PLCL1: variants seen among roughly 807,000 people sequenced by gnomAD.
PLCL1 encodes phospholipase C like 1 (inactive).
A neutral mutation model predicts 84.4 loss-of-function variants in PLCL1; 41 were observed. The ratio of observed to expected loss-of-function variants is 0.49; its 90% CI spans 0.38 to 0.63. The LOEUF is 0.63. Among genes scored for constraint, PLCL1 ranks in the 30% least tolerant of loss-of-function variants. PLCL1 has a pLI of 0.00. For missense variants in PLCL1, 1,206 were observed against 1,367.8 expected (o/e 0.88, Z 1.87); for synonymous variants, 490 against 488.3 (o/e 1.00, Z -0.05).
At chr2:198,018,950 G>A (rs1441272720) in intron 1 of PLCL1, among the ~76,000 whole-genome samples, 1 of 152,212 alleles carries the variant, frequency 6.6e-6, no homozygotes, top group Non-Finnish European at 1.5e-5. Context: ...ATATCTCCCA[G>A]CAGGGGTCGA....
intron 1 of PLCL1, among the ~76,000 whole-genome samples, chr2:197,949,584 A>G (rs1180019989): frequency 6.6e-6 from 1 of 152,202 alleles, no homozygotes; most frequent in African/African-American, 2.4e-5. Flanking sequence ...AGCTAGACTC[A>G]GGGTAGCAGA....
chr2:197,911,949 G>C (rs1388339563), intron 1 of PLCL1, among the ~76,000 whole-genome samples: 1 of 152,122 alleles, frequency 6.6e-6, no homozygotes, highest in East Asian at 1.9e-4. Flanking sequence ...AAAATGGAGA[G>C]AGCCGCTACC....
intron 1 of PLCL1, among the ~76,000 whole-genome samples, chr2:197,968,880 G>T (rs547531742): frequency 6.6e-6 from 1 of 152,190 alleles, no homozygotes; most frequent in African/African-American, 2.4e-5. Context: ...GTTCAGAGAT[G>T]GCTGTTTTAT....
chr2:197,981,431 GA>G (rs1690103095), intron 1 of PLCL1, among the ~76,000 whole-genome samples: 1 of 152,082 alleles, frequency 6.6e-6, no homozygotes, highest in African/African-American at 2.4e-5. Context: ...ATTCTTAATG[GA>G]AAAGTTTCTT....
chr2:197,821,391 C>G (rs1369473919), intron 1 of PLCL1, among the ~76,000 whole-genome samples: 1 of 152,152 alleles, frequency 6.6e-6, no homozygotes, highest in Non-Finnish European at 1.5e-5. Context: ...GTCGCTCTGA[C>G]AAAGAGATCC....
intron 5 of PLCL1, among the ~76,000 whole-genome samples, chr2:198,108,498 G>A (rs1370736966): frequency 6.6e-6 from 1 of 151,864 alleles, no homozygotes; most frequent in African/African-American, 2.4e-5. Flanking sequence ...ACAGCATGGA[G>A]TGGTGCAAAG....
In PLCL1 at chr2:198,079,741, T is replaced by A. The variant is rs111915117; in HGVS notation, c.241-4017T>A. 3.4e-3 allele frequency among the ~76,000 whole-genome samples: 518 copies of A among 152,350 alleles called. 2 individuals are homozygous for A. Among genetic ancestry groups the A allele is most frequent in the African/African-American group, 0.011 (457 of 41,582 alleles). ...TAAACCCAATTTTGTTAATTTTTTT[T>A]AATTTAACTTATTTAAATGTGATTC... On this transcript the variant is annotated intron_variant, in intron 1 of 5. Transcript: ENST00000428675.
chr2:198,016,752 G>A (rs1261165548), intron 1 of PLCL1, among the ~76,000 whole-genome samples: 1 of 152,206 alleles, frequency 6.6e-6, no homozygotes, highest in Non-Finnish European at 1.5e-5. Flanking sequence ...ACAAAGCTCA[G>A]TATCAGGTTA....
At chr2:197,897,201 C>CTT (rs869260134) in intron 1 of PLCL1, among the ~76,000 whole-genome samples, 19 of 13,932 alleles carry the variant, frequency 1.4e-3, no homozygotes, top group African/African-American at 5.4e-3. Context: ...CCTTCTCCTT[C>CTT]TTCTTTCTTC....
At chr2:198,111,529 A>G (rs1693621516) in intron 5 of PLCL1, among the ~76,000 whole-genome samples, 1 of 151,958 alleles carries the variant, frequency 6.6e-6, no homozygotes, top group South Asian at 2.1e-4. Flanking sequence ...ATAAAGCAGT[A>G]TCTGGCACAT....
chr2:198,091,741 A>AAAAT (rs1491480703), intron 3 of PLCL1, among the ~76,000 whole-genome samples: 4 of 123,978 alleles, frequency 3.2e-5, no homozygotes, highest in Admixed American at 7.6e-5. Context: ...AAAATAAAAT[A>AAAAT]AAATAAAATA....
At chr2:197,846,339 G>A (rs189526955) in intron 1 of PLCL1, among the ~76,000 whole-genome samples, 33 of 152,152 alleles carry the variant, frequency 2.2e-4, no homozygotes, top group Non-Finnish European at 1.8e-4. Context: ...CATTATAATC[G>A]CAAAGGCAAA....
intron 1 of PLCL1, among the ~76,000 whole-genome samples, chr2:197,814,137 C>T (rs982051701): frequency 6.6e-6 from 1 of 152,142 alleles, no homozygotes; most frequent in African/African-American, 2.4e-5. Flanking sequence ...CACATTATCA[C>T]ACTTTGCTTT....
chr2:197,825,285 A>G (rs920150385), intron 1 of PLCL1, among the ~76,000 whole-genome samples: 6 of 152,192 alleles, frequency 3.9e-5, no homozygotes, highest in African/African-American at 7.2e-5. Flanking sequence ...GCTGTATGAC[A>G]CTGGACCCAG....
intron 1 of PLCL1, among the ~76,000 whole-genome samples, chr2:197,857,867 C>T (rs1004992362): frequency 2.0e-5 from 3 of 151,872 alleles, no homozygotes; most frequent in Admixed American, 6.6e-5. Flanking sequence ...TATAACCTTG[C>T]CCAAGAGGAA....
intron 1 of PLCL1, among the ~76,000 whole-genome samples, chr2:198,048,573 G>A (rs1363525716): frequency 6.6e-6 from 1 of 152,218 alleles, no homozygotes; most frequent in Non-Finnish European, 1.5e-5. Flanking sequence ...GAGAGCAGGT[G>A]CATCACGTGG....
intron 3 of PLCL1, 90 bp downstream of exon 3, chr2:198,089,151 A>C: frequency 2.3e-6 from 2 of 873,030 alleles, no homozygotes; most frequent in African/African-American, 1.6e-5. Context: ...CCAATGAATA[A>C]CACAGGGTGA....
intron 1 of PLCL1, among the ~76,000 whole-genome samples, chr2:197,983,190 C>CTTTTTT (rs1445206643): frequency 3.0e-5 from 2 of 66,070 alleles, no homozygotes; most frequent in African/African-American, 1.1e-4. Flanking sequence ...TTTTCTTTTT[C>CTTTTTT]TTTTCTTTTC....
intron 1 of PLCL1, among the ~76,000 whole-genome samples, chr2:197,905,657 T>G (rs1428493903): frequency 6.6e-6 from 1 of 152,180 alleles, no homozygotes; most frequent in Non-Finnish European, 1.5e-5. Flanking sequence ...TTCTAGATCC[T>G]TGAGAAATCG....
Sources: gnomAD v4.1 joint callset for allele counts (sites outside exome capture counted in the v4.1 genomes callset) on GRCh38, gnomAD v4.1.1 for gene constraint, MANE v1.5 for transcripts, NCBI Gene and HGNC (gene_info 2026-07-23, HGNC 2026-07-21) for gene names.